Variants in BICC1 observed in about 807,000 individuals in gnomAD.
The protein encoded by BICC1 is BicC family RNA binding protein 1.
BICC1 carries 43 observed loss-of-function variants against 111.0 expected under a neutral mutation model. That is an observed-to-expected ratio of 0.39 (90% CI 0.30 to 0.50). BICC1 has a LOEUF of 0.50. Ranked by LOEUF, BICC1 falls within the 20% of genes least tolerant of loss-of-function variation. The pLI is 0.88. For missense variants in BICC1, 1,091 were observed against 1,203.2 expected, an observed-to-expected ratio of 0.91 and a Z score of 1.38; for synonymous variants, 467 against 434.4, an observed-to-expected ratio of 1.07 and a Z score of -0.93.
intron 1 of BICC1, among the ~76,000 whole-genome samples, chr10:58,544,161 C>CA (rs1258828077): frequency 6.6e-6 from 1 of 152,118 alleles, no homozygotes; most frequent in Non-Finnish European, 1.5e-5. Context: ...ACTGGAACCT[C>CA]ATAATAGCAT....
intron 8 of BICC1, 36 bp from the exon 9 acceptor site, chr10:58,793,448 T>C: frequency 1.9e-6 from 3 of 1,572,792 alleles, no homozygotes; most frequent in Non-Finnish European, 2.6e-6. Context: ...TGATTAAATT[T>C]TTACCTCCTA....
chr10:58,649,730 A>G lies in BICC1; in HGVS notation c.237+28829A>G, dbSNP rs117990638. ...TGAATAGCTAATCTCTATTGGTACT[A>G]TTCCATGGGCTTTCCAGATATTGGC... On this transcript the variant is annotated intron_variant, in intron 2 of 20. Transcript: ENST00000373886. Among the ~76,000 whole-genome samples, 35 of 152,318 alleles carry G rather than the reference A, an allele frequency of 2.3e-4. No individual in the cohort carries two copies. In the East Asian group the frequency reaches 6.4e-3, roughly 28 times the overall value.
At chr10:58,718,971 A>G (rs1840851216) in intron 3 of BICC1, among the ~76,000 whole-genome samples, 1 of 152,108 alleles carries the variant, frequency 6.6e-6, no homozygotes, top group Non-Finnish European at 1.5e-5. Flanking sequence ...TTTTAGGGTA[A>G]AATTTCTGAA....
At chr10:58,806,074 A>G (rs1280850066) in intron 15 of BICC1, among the ~76,000 whole-genome samples, 1 of 152,228 alleles carries the variant, frequency 6.6e-6, no homozygotes, top group Non-Finnish European at 1.5e-5. Context: ...ATCTCACTTC[A>G]AAAGCAAAGA....
At chr10:58,594,751 G>A (rs1844755427) in intron 1 of BICC1, among the ~76,000 whole-genome samples, 2 of 152,082 alleles carry the variant, frequency 1.3e-5, no homozygotes, top group South Asian at 4.2e-4. Flanking sequence ...GGAACAACTG[G>A]TACCAGCCAC....
chr10:58,625,248 A>G (rs1845953056), intron 2 of BICC1, among the ~76,000 whole-genome samples: 2 of 152,066 alleles, frequency 1.3e-5, no homozygotes, highest in African/African-American at 2.4e-5. Flanking sequence ...TGTCTGTCCT[A>G]TTTCCTTTTA....
At chr10:58,609,669 C>G (rs1222092117) in intron 1 of BICC1, among the ~76,000 whole-genome samples, 1 of 151,876 alleles carries the variant, frequency 6.6e-6, no homozygotes, top group African/African-American at 2.4e-5. Context: ...CATTTTATAC[C>G]ACAGCATATG....
chr10:58,803,670 A>G (rs950552008), intron 15 of BICC1, among the ~76,000 whole-genome samples: 3 of 152,212 alleles, frequency 2.0e-5, no homozygotes, highest in Admixed American at 6.5e-5. Flanking sequence ...AGAATAACGA[A>G]TGTGGAGTGT....
chr10:58,567,241 C>T (rs1843796205), intron 1 of BICC1, among the ~76,000 whole-genome samples: 1 of 152,010 alleles, frequency 6.6e-6, no homozygotes, highest in Admixed American at 6.6e-5. Flanking sequence ...AGGGTATAAA[C>T]TTTAGTTTTT....
At chr10:58,530,684 C>CAA (rs67946394) in intron 1 of BICC1, among the ~76,000 whole-genome samples, 27 of 86,534 alleles carry the variant, frequency 3.1e-4, no homozygotes, top group African/African-American at 9.1e-4. Flanking sequence ...ACTTTAAATG[C>CAA]AAAAAAAAAA....
intron 6 of BICC1, among the ~76,000 whole-genome samples, chr10:58,788,780 T>C (rs1171862435): frequency 6.6e-6 from 1 of 152,136 alleles, no homozygotes; most frequent in Middle Eastern, 3.2e-3. Context: ...CACAAAAGGC[T>C]CCCATCATTT....
At chr10:58,632,842 CATAG>C (rs897142387) in intron 2 of BICC1, among the ~76,000 whole-genome samples, 45 of 144,106 alleles carry the variant, frequency 3.1e-4, no homozygotes, top group Admixed American at 2.2e-3. Context: ...AAAGGTTTTA[CATAG>C]ATAGATAGAT....
chr10:58,800,538 C>T (rs905882570), intron 13 of BICC1, among the ~76,000 whole-genome samples: 1 of 152,150 alleles, frequency 6.6e-6, no homozygotes, highest in African/African-American at 2.4e-5. Flanking sequence ...ATAATCATTT[C>T]CCCATTACAT....
chr10:58,634,832 T>G (rs1837907586), intron 2 of BICC1, among the ~76,000 whole-genome samples: 1 of 152,228 alleles, frequency 6.6e-6, no homozygotes, highest in African/African-American at 2.4e-5. Context: ...GTATAACGTA[T>G]TCTTACAATA....
At chr10:58,758,137 G>A (rs1225806104) in intron 3 of BICC1, among the ~76,000 whole-genome samples, 2 of 152,004 alleles carry the variant, frequency 1.3e-5, no homozygotes, top group Non-Finnish European at 2.9e-5. Context: ...CCAAACCTAG[G>A]TCAGTAGCCG....
At chr10:58,748,101 A>G (rs866237097) in intron 3 of BICC1, among the ~76,000 whole-genome samples, 4 of 152,156 alleles carry the variant, frequency 2.6e-5, no homozygotes, top group Admixed American at 6.6e-5. Flanking sequence ...AGTCTTTAAT[A>G]GTTTATAACG....
At position 58,738,427 on chromosome 10, in the gene BICC1, G is replaced by A. The variant is rs182000433; in HGVS notation, c.307+36284G>A. On this transcript the variant is annotated intron_variant, in intron 3 of 20. Transcript: ENST00000373886. ...ATGCGGCATTGTTTCTGAGGGCTCT[G>A]TTCTGTTCCATTGGTCTATATCTCT... 8.4e-3 allele frequency among the ~76,000 whole-genome samples: 1,272 copies of A among 152,152 alleles called. 19 individuals are homozygous for A. The highest frequency in any genetic ancestry group is 0.029 in the African/African-American group (1,203 of 41,496).
At chr10:58,692,020 CTAA>C (rs1333278857) in intron 2 of BICC1, among the ~76,000 whole-genome samples, 1 of 152,128 alleles carries the variant, frequency 6.6e-6, no homozygotes, top group Non-Finnish European at 1.5e-5. Flanking sequence ...TAAATTTACT[CTAA>C]TGATACTTAT....
In BICC1 at chr10:58,731,697, C is replaced by G. The variant is rs1293601993; in HGVS notation, c.307+29554C>G. 2.9e-5 allele frequency among the ~76,000 whole-genome samples: 4 copies of G among 138,116 alleles called. No homozygotes were observed. The Admixed American group carries it at 3.1e-4, about 11-fold the overall frequency. The allele number at this position is 138,116 out of a possible 152,430, so 90.6% of individuals were successfully genotyped here. ...GAGCAGGTGTCTTACATGGGAGGAG[C>G]AGGACAAGGGGAGAGAGAGAGAGAG... is the stretch of plus-strand genomic sequence containing the variant. On this transcript the variant is annotated intron_variant, in intron 3 of 20. Transcript: ENST00000373886.
Sources: gnomAD v4.1 joint callset for allele counts (sites outside exome capture counted in the v4.1 genomes callset) on GRCh38, gnomAD v4.1.1 for gene constraint, MANE v1.5 for transcripts, NCBI Gene and HGNC (gene_info 2026-07-23, HGNC 2026-07-21) for gene names.